Variants in AP3S1 observed in about 807,000 individuals in gnomAD.
The protein encoded by AP3S1 is adaptor related protein complex 3 subunit sigma 1.
AP3S1 carries 12 observed loss-of-function variants against 21.3 expected under a neutral mutation model. That is an observed-to-expected ratio of 0.56 (90% CI 0.36 to 0.91). The LOEUF (loss-of-function observed/expected upper bound fraction) is 0.91. Ranked by LOEUF, AP3S1 falls within the 40% of genes least tolerant of loss-of-function variation. The pLI is 0.01. For synonymous variants in AP3S1, 48 were observed against 78.4 expected (o/e 0.61, Z 2.05); for missense variants, 116 against 225.0 (o/e 0.52, Z 3.10).
intron 1 of AP3S1, among the ~76,000 whole-genome samples, chr5:115,863,826 T>C (rs762293219): frequency 3.3e-5 from 5 of 152,032 alleles, no homozygotes; most frequent in Non-Finnish European, 7.4e-5. Context: ...CAGCAAAGGA[T>C]GGTTTGATGC....
intron 1 of AP3S1, among the ~76,000 whole-genome samples, chr5:115,849,698 T>G (rs1225360126): frequency 2.0e-5 from 3 of 152,196 alleles, no homozygotes. Flanking sequence ...TTGGTTACTT[T>G]CTTCTCTACC....
chr5:115,913,046 C>T (rs1292943612), intron 5 of AP3S1, among the ~76,000 whole-genome samples: 1 of 152,058 alleles, frequency 6.6e-6, no homozygotes, highest in East Asian at 1.9e-4. Flanking sequence ...TTCATGCTAT[C>T]TGTCAGTTAA....
At chr5:115,868,229 CTT>C (rs35079210) in intron 2 of AP3S1, among the ~76,000 whole-genome samples, 1 of 152,128 alleles carries the variant, frequency 6.6e-6, no homozygotes, top group Admixed American at 6.5e-5. Flanking sequence ...CATTACTGGC[CTT>C]TTTGAAACTT....
chr5:115,891,496 C>G (rs903451790), intron 3 of AP3S1, among the ~76,000 whole-genome samples: 1 of 152,096 alleles, frequency 6.6e-6, no homozygotes, highest in African/African-American at 2.4e-5. Context: ...TCTTGTGACC[C>G]CCCTCCTCAG....
At chr5:115,848,949 C>G (rs1213680674) in intron 1 of AP3S1, among the ~76,000 whole-genome samples, 1 of 152,166 alleles carries the variant, frequency 6.6e-6, no homozygotes, top group Non-Finnish European at 1.5e-5. Flanking sequence ...TCTTAAGATT[C>G]CAAGTGGAGG....
chr5:115,877,063 A>G (rs1034400634), intron 3 of AP3S1, among the ~76,000 whole-genome samples: 2 of 152,184 alleles, frequency 1.3e-5, no homozygotes, highest in African/African-American at 4.8e-5. Context: ...CTTAATATCT[A>G]TTGATCATTC....
intron 1 of AP3S1, 29 bp from the exon 2 acceptor site, chr5:115,866,641 C>G (rs202148186): frequency 6.7e-7 from 1 of 1,482,280 alleles, no homozygotes; most frequent in Non-Finnish European, 9.3e-7. Context: ...TACACTCCAT[C>G]CTAATATATA....
chr5:115,880,206 G>T (rs1410829080), intron 3 of AP3S1, among the ~76,000 whole-genome samples: 2 of 152,076 alleles, frequency 1.3e-5, no homozygotes, highest in African/African-American at 2.4e-5. Flanking sequence ...GTCTCCTTCA[G>T]TTCTACTCTG....
chr5:115,853,722 C>T (rs976972432), intron 1 of AP3S1, among the ~76,000 whole-genome samples: 1 of 152,086 alleles, frequency 6.6e-6, no homozygotes, highest in African/African-American at 2.4e-5. Flanking sequence ...TATTCTTTCC[C>T]TATTGAATTG....
intron 5 of AP3S1, among the ~76,000 whole-genome samples, chr5:115,905,046 T>C (rs574002043): frequency 2.6e-5 from 4 of 152,344 alleles, no homozygotes; most frequent in Admixed American, 1.3e-4. Flanking sequence ...TGTTCCATTA[T>C]TGGAATGCTA....
chr5:115,882,028 T>C (rs1164786734), intron 3 of AP3S1, among the ~76,000 whole-genome samples: 2 of 151,894 alleles, frequency 1.3e-5, no homozygotes, highest in African/African-American at 2.4e-5. Flanking sequence ...GAAGTTCTCC[T>C]GCTGTGTTTT....
intron 5 of AP3S1, chr5:115,907,030 A>T (rs1041829866): frequency 1.9e-5 from 18 of 966,170 alleles, no homozygotes; most frequent in Non-Finnish European, 2.2e-5. Context: ...TTCATCTTTT[A>T]TTGGACTTAG....
intron 5 of AP3S1, chr5:115,906,923 A>G: frequency 6.9e-7 from 1 of 1,449,514 alleles, no homozygotes; most frequent in Non-Finnish European, 9.0e-7. Context: ...TGTCAAAGGC[A>G]ATTAATTATT....
At chr5:115,854,277 G>C (rs900024716) in intron 1 of AP3S1, among the ~76,000 whole-genome samples, 38 of 152,280 alleles carry the variant, frequency 2.5e-4, no homozygotes, top group African/African-American at 9.1e-4. Context: ...TCAAACCAAA[G>C]CAGAATGGTT....
At chr5:115,910,751 C>G (rs1752035657) in intron 5 of AP3S1, among the ~76,000 whole-genome samples, 1 of 151,964 alleles carries the variant, frequency 6.6e-6, no homozygotes, top group African/African-American at 2.4e-5. Flanking sequence ...GTTTAAACAT[C>G]TGTTGATCAA....
At chr5:115,843,275 G>A (rs1481261153) in intron 1 of AP3S1, among the ~76,000 whole-genome samples, 1 of 152,188 alleles carries the variant, frequency 6.6e-6, no homozygotes, top group Non-Finnish European at 1.5e-5. Context: ...AGTCCCAGAT[G>A]GAAATCAATC....
At chr5:115,890,316 A>G (rs1434952022) in intron 3 of AP3S1, among the ~76,000 whole-genome samples, 3 of 152,266 alleles carry the variant, frequency 2.0e-5, no homozygotes, top group African/African-American at 4.8e-5. Flanking sequence ...ATACTGTACA[A>G]CTAAGAATGA....
At chr5:115,887,973 A>G (rs535061883) in intron 3 of AP3S1, among the ~76,000 whole-genome samples, 3 of 152,066 alleles carry the variant, frequency 2.0e-5, no homozygotes, top group South Asian at 2.1e-4. Context: ...TTCGAAATCT[A>G]TTTACTTTTT....
chr5:115,860,359 C>A (rs1763085195), intron 1 of AP3S1, among the ~76,000 whole-genome samples: 1 of 152,184 alleles, frequency 6.6e-6, no homozygotes, highest in South Asian at 2.1e-4. Context: ...TTTACAGGTT[C>A]CAGGGATTAG....
Sources: allele counts gnomAD v4.1 joint callset (sites outside exome capture counted in the v4.1 genomes callset), GRCh38; gene constraint gnomAD v4.1.1; transcripts MANE v1.5; gene names NCBI Gene and HGNC (gene_info 2026-07-23, HGNC 2026-07-21).